DGKI: variants seen among roughly 807,000 people sequenced by gnomAD.
The protein encoded by DGKI is diacylglycerol kinase iota, also known as DAG kinase iota.
DGKI carries 55 observed loss-of-function variants against 147.5 expected under a neutral mutation model. That is an observed-to-expected ratio of 0.37 (90% confidence interval 0.30 to 0.47). The LOEUF is 0.47. DGKI is among the 20% of genes least tolerant of loss of function. DGKI has a pLI of 1.00. For missense variants in DGKI, 1,007 were observed against 1,323.8 expected (o/e 0.76, Z 3.71); for synonymous variants, 469 against 477.1 (o/e 0.98, Z 0.22).
At chr7:137,773,676 G>C (rs1796279278) in intron 1 of DGKI, among the ~76,000 whole-genome samples, 2 of 151,930 alleles carry the variant, frequency 1.3e-5, no homozygotes. Flanking sequence ...AGAATCCAAG[G>C]CCTAGAAAGA....
chr7:137,418,300 A>G (rs981373082), intron 28 of DGKI, among the ~76,000 whole-genome samples: 1 of 152,206 alleles, frequency 6.6e-6, no homozygotes, highest in African/African-American at 2.4e-5. Flanking sequence ...CTTGCAAATA[A>G]GCTCAAGGTA....
At chr7:137,651,257 T>C (rs1822016970) in intron 5 of DGKI, among the ~76,000 whole-genome samples, 1 of 152,174 alleles carries the variant, frequency 6.6e-6, no homozygotes, top group East Asian at 1.9e-4. Flanking sequence ...ATTACATTGG[T>C]CAAAGGGGAG....
chr7:137,538,475 T>C (rs571588717), intron 20 of DGKI, among the ~76,000 whole-genome samples: 4 of 152,344 alleles, frequency 2.6e-5, no homozygotes, highest in Non-Finnish European at 4.4e-5. Context: ...CCCAAGGTAA[T>C]AAGCAGACCC....
chr7:137,771,555 T>C (rs771382274), intron 1 of DGKI: 2 of 152,210 alleles, frequency 1.3e-5, no homozygotes, highest in Non-Finnish European at 2.9e-5. Flanking sequence ...AAATTCTCTC[T>C]TAAACAAGAG....
intron 21 of DGKI, among the ~76,000 whole-genome samples, chr7:137,504,038 G>A (rs1816280295): frequency 6.6e-6 from 1 of 152,080 alleles, no homozygotes; most frequent in Non-Finnish European, 1.5e-5. Context: ...GGAGATGAGG[G>A]GAATCACAGC....
chr7:137,560,511 C>T (rs1329407869), intron 19 of DGKI, among the ~76,000 whole-genome samples: 1 of 152,150 alleles, frequency 6.6e-6, no homozygotes, highest in Non-Finnish European at 1.5e-5. Context: ...GAACAGTGCT[C>T]ACCACTACAA....
intron 6 of DGKI, among the ~76,000 whole-genome samples, chr7:137,641,810 A>G (rs548009996): frequency 2.2e-4 from 33 of 152,386 alleles, no homozygotes; most frequent in Non-Finnish European, 3.1e-4. Context: ...TAACTTTTAC[A>G]TATGAAGAAA....
At chr7:137,460,893 T>TA (rs1445203843) in intron 27 of DGKI, among the ~76,000 whole-genome samples, 5 of 152,224 alleles carry the variant, frequency 3.3e-5, no homozygotes, top group African/African-American at 1.2e-4. Context: ...TATATAATTT[T>TA]TACGCTTATT....
Position 137,389,639 on chromosome 7 carries a change from T to C in DGKI, c.*1581A>G, listed in dbSNP as rs1345287092. ...TGGACACCTACTTTTATTTTTGACT[T>C]ACCCCCAAGTCAAGTAGATATTTGG... is the stretch of plus-strand genomic sequence containing the variant. On this transcript the variant is annotated 3_prime_UTR_variant, in exon 33 of 33. Transcript: ENST00000614521. 1 of 152,186 alleles carries C rather than the reference T, an allele frequency of 6.6e-6. No homozygotes were observed. Among genetic ancestry groups the C allele is most frequent in the East Asian group, 1.9e-4 (1 of 5,194 alleles). The allele number at this position is 152,186 out of a possible 1,614,324, so 9.4% of individuals were successfully genotyped here.
chr7:137,471,312 A>G (rs1814875772), intron 23 of DGKI, among the ~76,000 whole-genome samples: 1 of 152,146 alleles, frequency 6.6e-6, no homozygotes, highest in Admixed American at 6.6e-5. Flanking sequence ...AGGCAGCAAT[A>G]AAGACTTGGC....
chr7:137,766,612 C>A (rs1457234226), intron 1 of DGKI, among the ~76,000 whole-genome samples: 1 of 152,138 alleles, frequency 6.6e-6, no homozygotes, highest in African/African-American at 2.4e-5. Flanking sequence ...TCCTCCAGGG[C>A]AAAGAGAATC....
intron 12 of DGKI, among the ~76,000 whole-genome samples, chr7:137,596,001 CAAAAAAAAAAAAAAAAAA>C (rs71177914): frequency 0.024 from 1,073 of 44,624 alleles, 52 homozygotes; most frequent in Middle Eastern, 0.23. Context: ...GACTCCGTCT[CAAAAAAAAAAAAAAAAAA>C]AAAAAAAAAA....
intron 30 of DGKI, among the ~76,000 whole-genome samples, chr7:137,399,911 CA>C (rs11358849): frequency 0.56 from 75,311 of 134,168 alleles, 19,895 homozygotes; most frequent in African/African-American, 0.63. Context: ...CAAGACTTCT[CA>C]AAAAAAAAAA....
At chr7:137,738,851 C>T (rs1585428572) in intron 1 of DGKI, among the ~76,000 whole-genome samples, 1 of 151,774 alleles carries the variant, frequency 6.6e-6, no homozygotes, top group Admixed American at 6.6e-5. Context: ...CCAGAACACG[C>T]AGGTCTGGTT....
Position 137,678,653 on chromosome 7 carries a change from C to A in DGKI, c.511-1G>T, listed in dbSNP as rs1563146433. ...GGTGTTCTCCATTCACGGCATTCTCCTGCAAGGAAAAGACCCACCTGACAT... is the reference window on the plus strand; with the variant it reads ...GGTGTTCTCCATTCACGGCATTCTCATGCAAGGAAAAGACCCACCTGACAT... On this transcript the variant is annotated splice_acceptor_variant, in intron 2 of 32. Coordinates refer to ENST00000614521, the MANE Select transcript of DGKI (RefSeq NM_001321708.2). LOFTEE classifies it high-confidence loss of function. The A allele has an allele frequency of 6.2e-7, 1 of 1,614,062 alleles. No homozygotes were observed. Among genetic ancestry groups the A allele is most frequent in the African/African-American group, 1.3e-5 (1 of 75,028 alleles).
At position 137,423,907 on chromosome 7, in the gene DGKI, C is replaced by T. The variant is rs187110920; in HGVS notation, c.2762-11700G>A. Among the ~76,000 whole-genome samples, 121 of 152,286 alleles carry T rather than the reference C, an allele frequency of 7.9e-4. No homozygotes were observed. In the Middle Eastern group the frequency reaches 0.014, roughly 17 times the overall value. ...ATTATACTTTAAGTTCTGGGATACA[C>T]GTGCAGAATGTGCAGCTTTACATAG... On this transcript the variant is annotated intron_variant, in intron 28 of 32. Coordinates refer to ENST00000614521, the MANE Select transcript of DGKI (RefSeq NM_001321708.2).
intron 11 of DGKI, among the ~76,000 whole-genome samples, chr7:137,599,206 G>C (rs1019011309): frequency 6.6e-6 from 1 of 152,114 alleles, no homozygotes; most frequent in Non-Finnish European, 1.5e-5. Flanking sequence ...TCCACCAAAG[G>C]AGAGAAGCAG....
chr7:137,565,371 T>C (rs1818550473), intron 19 of DGKI, among the ~76,000 whole-genome samples: 1 of 152,166 alleles, frequency 6.6e-6, no homozygotes, highest in South Asian at 2.1e-4. Context: ...AAATTATAAC[T>C]GATAATTTAC....
chr7:137,513,673 G>A (rs564650009), intron 21 of DGKI, among the ~76,000 whole-genome samples: 5 of 152,198 alleles, frequency 3.3e-5, no homozygotes, highest in South Asian at 2.1e-4. Context: ...TAGGCTATAC[G>A]GTATAGCCTG....
Sources: allele counts gnomAD v4.1 joint callset (sites outside exome capture counted in the v4.1 genomes callset), GRCh38; gene constraint gnomAD v4.1.1; transcripts MANE v1.5; gene names NCBI Gene and HGNC (gene_info 2026-07-23, HGNC 2026-07-21).